The following CRYBG1 variants were observed in gnomAD, a reference collection of about 807,000 sequenced individuals.
CRYBG1 encodes beta/gamma crystallin domain-containing protein 1.
CRYBG1 carries 139 observed loss-of-function variants against 189.2 expected under a neutral mutation model. The ratio of observed to expected loss-of-function variants is 0.73; its 90% CI spans 0.64 to 0.85. CRYBG1 has a LOEUF of 0.85. CRYBG1 is among the 40% of genes least tolerant of loss of function. The pLI is 0.00. For synonymous variants in CRYBG1, 1,023 were observed against 1,017.1 expected, an observed-to-expected ratio of 1.01 and a Z score of -0.11; for missense variants, 2,611 against 2,675.8, an observed-to-expected ratio of 0.98 and a Z score of 0.53.
intron 8 of CRYBG1, among the ~76,000 whole-genome samples, chr6:106,530,862 A>G (rs1308299858): frequency 1.3e-5 from 2 of 152,252 alleles, no homozygotes; most frequent in African/African-American, 4.8e-5. Flanking sequence ...TGTGGTCTCC[A>G]AAGTGAAGCA....
At position 106,433,822 on chromosome 6, in the gene CRYBG1, T is replaced by C. The variant is rs1771399120; in HGVS notation, c.174-17872T>C. 4.7e-5 allele frequency among the ~76,000 whole-genome samples: 7 copies of C among 147,582 alleles called. No homozygotes were observed. In the South Asian group the frequency reaches 1.5e-3, roughly 32 times the overall value. ...ACATACATATACATACATAAATATA[T>C]ATATGCAGTAGTAGTGGCAGAGGTA... On this transcript the variant is annotated intron_variant, in intron 1 of 21. Coordinates refer to ENST00000633556, the MANE Select transcript of CRYBG1 (RefSeq NM_001371242.2).
chr6:106,417,928 G>A (rs1161778610), intron 1 of CRYBG1, among the ~76,000 whole-genome samples: 1 of 152,284 alleles, frequency 6.6e-6, no homozygotes, highest in African/African-American at 2.4e-5. Context: ...ATGGATGGCA[G>A]TGTGTTGGCA....
At chr6:106,564,004 G>T (rs1367396574) in intron 21 of CRYBG1, 78 bp downstream of exon 21, 1 of 1,399,506 alleles carries the variant, frequency 7.1e-7, no homozygotes, top group African/African-American at 1.4e-5. Flanking sequence ...CATAACTTTT[G>T]AAAATGATGA....
chr6:106,465,796 T>C (rs960797572), intron 2 of CRYBG1, among the ~76,000 whole-genome samples: 2 of 152,172 alleles, frequency 1.3e-5, no homozygotes, highest in Admixed American at 1.3e-4. Context: ...AATACAGGTC[T>C]TTTTTTGCTC....
chr6:106,395,788 A>G (rs886262906), intron 1 of CRYBG1, among the ~76,000 whole-genome samples: 2 of 151,096 alleles, frequency 1.3e-5, no homozygotes, highest in Non-Finnish European at 3.0e-5. Flanking sequence ...CTATATATTC[A>G]GACCCCATAT....
At chr6:106,551,095 G>A (rs1025062761) in intron 13 of CRYBG1, among the ~76,000 whole-genome samples, 1 of 152,082 alleles carries the variant, frequency 6.6e-6, no homozygotes, top group Non-Finnish European at 1.5e-5. Flanking sequence ...GTCAACCTGA[G>A]CATAGCATGC....
At chr6:106,548,400 T>G (rs1306400401) in intron 13 of CRYBG1, among the ~76,000 whole-genome samples, 1 of 152,218 alleles carries the variant, frequency 6.6e-6, no homozygotes, top group Non-Finnish European at 1.5e-5. Flanking sequence ...TCAGCTTCAG[T>G]GAATTAGAGA....
chr6:106,539,279 A>G, intron 8 of CRYBG1, 124 bp from the exon 9 acceptor site: 2 of 1,117,300 alleles, frequency 1.8e-6, no homozygotes, highest in Non-Finnish European at 2.6e-6. Context: ...GAGTCCAACC[A>G]TTCATTATGT....
chr6:106,497,855 C>T (rs1306905913), intron 2 of CRYBG1, among the ~76,000 whole-genome samples: 1 of 152,174 alleles, frequency 6.6e-6, no homozygotes, highest in Non-Finnish European at 1.5e-5. Context: ...CTTTGGGAGG[C>T]CGAGGTGGGC....
intron 2 of CRYBG1, among the ~76,000 whole-genome samples, chr6:106,466,798 A>C (rs769398523): frequency 6.6e-6 from 1 of 152,202 alleles, no homozygotes; most frequent in East Asian, 1.9e-4. Context: ...GAACCTTAGG[A>C]AGTAGAATTT....
At position 106,553,522 on chromosome 6, in the gene CRYBG1, T is replaced by C. The variant is rs1264423781; in HGVS notation, c.5540T>C (p.Ile1847Thr). The C allele has an allele frequency of 3.1e-6, 5 of 1,614,016 alleles. No homozygotes were observed. The highest frequency in any genetic ancestry group is 2.2e-5 in the East Asian group (1 of 44,872). The change falls in exon 16 of 22, where the codon ATT (isoleucine) becomes ACT (threonine). Residue 1847 changes from isoleucine to threonine, a missense_variant. By Grantham distance (89) the Ile-to-Thr change is moderately conservative. Transcript: ENST00000633556. ...AGTTTTGAAGAAACAACAAGTCAAA[T>C]TGATGATTCATTTTCTACCAAGTCT... ...SQSFEETTSQ[I>T]DDSFSTKSCR... is the part of the protein sequence containing the mutation.
At position 106,552,880 on chromosome 6, in the gene CRYBG1, C is replaced by T. The variant is rs9486394; in HGVS notation, c.5473-575C>T. ...AAATGAATTTTCATATTTGCTGTGT[C>T]GACACTAGACATTTTTTATGGTCTC... On this transcript the variant is annotated intron_variant, in intron 15 of 21. Coordinates refer to ENST00000633556, the MANE Select transcript of CRYBG1 (RefSeq NM_001371242.2). Among the ~76,000 whole-genome samples, 1,460 of 152,116 alleles carry T rather than the reference C, an allele frequency of 9.6e-3. 31 individuals carry two copies. Among genetic ancestry groups the T allele is most frequent in the African/African-American group, 0.033 (1,379 of 41,484 alleles).
chr6:106,476,111 C>T (rs9400013), intron 2 of CRYBG1, among the ~76,000 whole-genome samples: 21,832 of 152,154 alleles, frequency 0.14, 1,864 homozygotes, highest in East Asian at 0.25. Context: ...CCCCACCTAA[C>T]TCATATGGAA....
intron 3 of CRYBG1, 97 bp from the exon 4 acceptor site, chr6:106,519,034 G>T: frequency 7.9e-7 from 1 of 1,269,212 alleles, no homozygotes; most frequent in Non-Finnish European, 1.1e-6. Context: ...ATATATCAGG[G>T]AGATGTTGGC....
Position 106,571,763 on chromosome 6 carries a change from G to T in CRYBG1, c.*3197G>T. 2.2e-6 allele frequency: 1 copy of T among 455,572 alleles called. No individual in the cohort carries two copies. The highest frequency in any genetic ancestry group is 4.0e-6 in the Non-Finnish European group (1 of 253,064). 28.2% of individuals were successfully genotyped at this position (455,572 alleles called of 1,614,324 possible). On this transcript the variant is annotated 3_prime_UTR_variant, in exon 22 of 22. Coordinates refer to ENST00000633556, the MANE Select transcript of CRYBG1 (RefSeq NM_001371242.2). The stretch of plus-strand genomic sequence containing the variant: ...TGCCACAACAACCTGCAAAGCCAGT[G>T]TGAAGGAACAGCTTGAAAAAACTTC...
intron 2 of CRYBG1, among the ~76,000 whole-genome samples, chr6:106,497,880 C>T (rs1772889699): frequency 6.6e-6 from 1 of 152,126 alleles, no homozygotes; most frequent in African/African-American, 2.4e-5. Flanking sequence ...TGCCTAAGCT[C>T]AGGAGTTCTA....
rs557400444 is a variant in CRYBG1, at chr6:106,496,615, G to T, written c.313-14815G>T. Among the ~76,000 whole-genome samples the T allele has an allele frequency of 1.7e-3, 258 of 152,170 alleles. 1 individual carries two copies. The highest frequency in any genetic ancestry group is 3.2e-3 in the Non-Finnish European group (220 of 68,012). ...GATATTTTGGTCAACCATCTTATTA[G>T]AGACTAATTATAAATATCTAAAAAT... On this transcript the variant is annotated intron_variant, in intron 2 of 21. Transcript: ENST00000633556.
At chr6:106,540,618 A>T (rs1774106956) in intron 9 of CRYBG1, among the ~76,000 whole-genome samples, 1 of 152,070 alleles carries the variant, frequency 6.6e-6, no homozygotes, top group Non-Finnish European at 1.5e-5. Flanking sequence ...AAACAGGATT[A>T]CTTTTGAAAA....
intron 1 of CRYBG1, among the ~76,000 whole-genome samples, chr6:106,427,746 C>T (rs999495855): frequency 6.6e-6 from 1 of 152,084 alleles, no homozygotes; most frequent in Non-Finnish European, 1.5e-5. Flanking sequence ...GTGTTTTCCC[C>T]CTGCTCAAAA....
Sources: gnomAD v4.1 joint callset for allele counts (sites outside exome capture counted in the v4.1 genomes callset) on GRCh38, gnomAD v4.1.1 for gene constraint, MANE v1.5 for transcripts, NCBI Gene and HGNC (gene_info 2026-07-23, HGNC 2026-07-21) for gene names.